Variants in VKORC1L1 observed in about 807,000 individuals in gnomAD.
The protein encoded by VKORC1L1 is vitamin K epoxide reductase complex subunit 1-like protein 1.
VKORC1L1 carries 2 observed loss-of-function variants against 18.9 expected under a neutral mutation model. The observed-to-expected ratio is 0.11, with a 90% confidence interval of 0.04 to 0.33. The LOEUF is 0.33. Ranked by LOEUF, VKORC1L1 falls within the 10% of genes least tolerant of loss-of-function variation. The probability of loss-of-function intolerance (pLI) is 1.00; values close to 1 mark genes in which losing one functional copy is unlikely to be tolerated. For missense variants in VKORC1L1, 123 were observed against 224.1 expected (o/e 0.55, Z 2.88); for synonymous variants, 96 against 100.0 (o/e 0.96, Z 0.24).
chr7:65,953,024 T>C (rs182106031), intron 2 of VKORC1L1, among the ~76,000 whole-genome samples: 1 of 152,202 alleles, frequency 6.6e-6, no homozygotes, highest in African/African-American at 2.4e-5. Flanking sequence ...CTCAAATTCC[T>C]GACCTCAAAT....
chr7:65,898,352 G>A (rs1211931777), intron 1 of VKORC1L1, among the ~76,000 whole-genome samples: 1 of 151,960 alleles, frequency 6.6e-6, no homozygotes, highest in East Asian at 1.9e-4. Context: ...CCAAAGTGTT[G>A]GGATTACAGG....
At chr7:65,895,543 A>G (rs1789195774) in intron 1 of VKORC1L1, among the ~76,000 whole-genome samples, 2 of 140,934 alleles carry the variant, frequency 1.4e-5, no homozygotes, top group Non-Finnish European at 1.5e-5. Flanking sequence ...ACACACATAT[A>G]ATTTGTGAAT....
intron 1 of VKORC1L1, among the ~76,000 whole-genome samples, chr7:65,884,372 G>A (rs1381705552): frequency 6.6e-6 from 1 of 152,056 alleles, no homozygotes; most frequent in African/African-American, 2.4e-5. Flanking sequence ...AGCAGGGCAC[G>A]GTGGCCATAA....
intron 1 of VKORC1L1, among the ~76,000 whole-genome samples, chr7:65,910,527 C>T (rs572106835): frequency 3.9e-5 from 6 of 152,292 alleles, no homozygotes; most frequent in East Asian, 1.9e-4. Context: ...TAATTCTCAT[C>T]GTTTTACCCA....
At chr7:65,923,074 T>C (rs1183995047) in intron 1 of VKORC1L1, among the ~76,000 whole-genome samples, 3 of 152,144 alleles carry the variant, frequency 2.0e-5, no homozygotes, top group Admixed American at 2.0e-4. Context: ...GTTGGAGTTA[T>C]TAAGGACATA....
chr7:65,883,754 T>C (rs1260986192), intron 1 of VKORC1L1, among the ~76,000 whole-genome samples: 1 of 152,272 alleles, frequency 6.6e-6, no homozygotes, highest in East Asian at 1.9e-4. Flanking sequence ...CGCCTCGGCC[T>C]CCCAAAGTGC....
chr7:65,937,772 A>G (rs1161220251), intron 1 of VKORC1L1, among the ~76,000 whole-genome samples: 1 of 152,220 alleles, frequency 6.6e-6, no homozygotes, highest in Non-Finnish European at 1.5e-5. Flanking sequence ...ATGGTCCTCA[A>G]ACATTTGAGA....
intron 2 of VKORC1L1, among the ~76,000 whole-genome samples, chr7:65,952,513 G>C (rs112970356): frequency 6.6e-6 from 1 of 151,838 alleles, no homozygotes; most frequent in African/African-American, 2.4e-5. Context: ...GCCCACAGGC[G>C]TCTTCTTGTT....
rs1019723165 is a variant in VKORC1L1, at chr7:65,957,121, A to T, written c.*2821A>T. 1.3e-5 allele frequency: 2 copies of T among 152,222 alleles called. No homozygotes were observed. Among genetic ancestry groups the T allele is most frequent in the South Asian group, 2.1e-4 (1 of 4,836 alleles). 9.4% of individuals were successfully genotyped at this position (152,222 alleles called of 1,614,324 possible). A position where few individuals can be genotyped will look rare whatever the true frequency, so the allele number is the denominator to read the frequency against. On this transcript the variant is annotated 3_prime_UTR_variant, in exon 3 of 3. Coordinates refer to ENST00000360768, the MANE Select transcript of VKORC1L1 (RefSeq NM_173517.6). The stretch of plus-strand genomic sequence containing the variant: ...GCCCAGAATCACTGTTCCTTCATAC[A>T]TGTGTCCTCTCCTTAAATTCATTAC...
chr7:65,956,755 C>T lies in VKORC1L1; in HGVS notation c.*2455C>T, dbSNP rs1186914331. 1 of 152,074 alleles carries T rather than the reference C, an allele frequency of 6.6e-6. No homozygotes were observed. The highest frequency in any genetic ancestry group is 1.5e-5 in the Non-Finnish European group (1 of 68,024). The allele number at this position is 152,074 out of a possible 1,614,324, so 9.4% of individuals were successfully genotyped here. A position where few individuals can be genotyped will look rare whatever the true frequency, so the allele number is the denominator to read the frequency against. On this transcript the variant is annotated 3_prime_UTR_variant, in exon 3 of 3. Transcript: ENST00000360768. Reference sequence around the variant, plus strand: ...TCTGCCCAGAAGAGGGGGGGAATCACCAGTGTTACAAAATTAGAAGATTGT... The same window carrying T: ...TCTGCCCAGAAGAGGGGGGGAATCATCAGTGTTACAAAATTAGAAGATTGT...
rs530902766 is a variant in VKORC1L1 at position 65,891,503 on chromosome 7, G to A, written c.194+17938G>A. Among the ~76,000 whole-genome samples, 238 of 152,048 alleles carry A rather than the reference G, an allele frequency of 1.6e-3. 1 individual carries two copies. The highest frequency in any genetic ancestry group is 5.6e-3 in the African/African-American group (232 of 41,476). On this transcript the variant is annotated intron_variant, in intron 1 of 2. Coordinates refer to ENST00000360768, the MANE Select transcript of VKORC1L1 (RefSeq NM_173517.6). Reference sequence around the variant, plus strand: ...TGTGAAGAGCTCATTGAAGTCTTTTGGCTAATTTTCTGGTTGGTTTGTATA... The same window carrying A: ...TGTGAAGAGCTCATTGAAGTCTTTTAGCTAATTTTCTGGTTGGTTTGTATA...
At chr7:65,889,533 A>G (rs546032659) in intron 1 of VKORC1L1, among the ~76,000 whole-genome samples, 13 of 152,320 alleles carry the variant, frequency 8.5e-5, no homozygotes, top group Middle Eastern at 3.4e-3. Context: ...ATTGTGAACT[A>G]TAACTTACAG....
At chr7:65,900,648 C>T (rs1789299809) in intron 1 of VKORC1L1, among the ~76,000 whole-genome samples, 1 of 151,770 alleles carries the variant, frequency 6.6e-6, no homozygotes, top group African/African-American at 2.4e-5. Context: ...ACTAAAAATA[C>T]AAATATTAGA....
In VKORC1L1 at chr7:65,879,627, C is replaced by T. The variant is rs1788891191; in HGVS notation, c.194+6062C>T. ...ACCCAGGCAGTCTGGCTCAAGAGTCCAAGCTCTTTACCACTACTCTTTCGT... is the reference window on the plus strand; with the variant it reads ...ACCCAGGCAGTCTGGCTCAAGAGTCTAAGCTCTTTACCACTACTCTTTCGT... On this transcript the variant is annotated intron_variant, in intron 1 of 2. Transcript: ENST00000360768. Among the ~76,000 whole-genome samples, 3 of 137,776 alleles carry T rather than the reference C, an allele frequency of 2.2e-5. No individual in the cohort carries two copies. In the Admixed American group the frequency reaches 2.3e-4, roughly 10 times the overall value. The allele number at this position is 137,776 out of a possible 152,430, so 90.4% of individuals were successfully genotyped here.
In VKORC1L1 at chr7:65,943,233, CA is replaced by C. The variant is rs200545978; in HGVS notation, c.195-5429del. Among the ~76,000 whole-genome samples the C allele has an allele frequency of 3.4e-5, 5 of 148,620 alleles. No homozygotes were observed. The South Asian group carries it at 1.1e-3, about 32-fold the overall frequency. On this transcript the variant is annotated intron_variant, in intron 1 of 2. Transcript: ENST00000360768. ...GGCCAACATGGCGAAACCCTCTCTA[CA>C]AAAAAAAATGTTTTAAATTTAAAAA...
chr7:65,953,969 C>T, intron 2 of VKORC1L1, 105 bp from the exon 3 acceptor site: 1 of 949,940 alleles, frequency 1.1e-6, no homozygotes, highest in East Asian at 2.5e-5. Flanking sequence ...GCAGGAAGAT[C>T]AGTATTCAAA....
At chr7:65,924,393 G>A (rs1307821313) in intron 1 of VKORC1L1, among the ~76,000 whole-genome samples, 2 of 152,182 alleles carry the variant, frequency 1.3e-5, no homozygotes, top group Non-Finnish European at 2.9e-5. Context: ...ACACTCTATT[G>A]ATAGTGACAT....
upstream of VKORC1L1, among the ~76,000 whole-genome samples, chr7:65,869,628 C>T (rs1457650066): frequency 1.4e-5 from 2 of 141,818 alleles, no homozygotes; most frequent in Non-Finnish European, 3.1e-5. Flanking sequence ...GAGGGCAAAA[C>T]ACGATTTCAT....
In VKORC1L1 at chr7:65,895,482, T is replaced by A. The variant is rs3112834; in HGVS notation, c.194+21917T>A. ...AAAAAAAAAAAAAAAAAAAAAAAAA[T>A]ATATATATATATATATATATATATA... is the stretch of plus-strand genomic sequence containing the variant. On this transcript the variant is annotated intron_variant, in intron 1 of 2. Transcript: ENST00000360768. Among the ~76,000 whole-genome samples the A allele has an allele frequency of 7.8e-3, 213 of 27,454 alleles. 3 individuals carry two copies. Among genetic ancestry groups the A allele is most frequent in the Non-Finnish European group, 9.3e-3 (160 of 17,250 alleles). 18.0% of individuals were successfully genotyped at this position (27,454 alleles called of 152,430 possible).
Sources: gnomAD v4.1 joint callset for allele counts (sites outside exome capture counted in the v4.1 genomes callset) on GRCh38, gnomAD v4.1.1 for gene constraint, MANE v1.5 for transcripts, NCBI Gene and HGNC (gene_info 2026-07-23, HGNC 2026-07-21) for gene names.